The following DNAH9 variants were observed in gnomAD, a reference collection of about 807,000 sequenced individuals.
DNAH9 encodes the protein DNAH9 variant protein.
Under a neutral mutation model 471.6 loss-of-function variants are expected in DNAH9, and 345 were observed. The observed-to-expected ratio is 0.73, with a 90% CI of 0.67 to 0.80. The LOEUF is 0.80. Ranked by LOEUF, DNAH9 falls within the 30% of genes least tolerant of loss-of-function variation. The pLI, the probability that DNAH9 is intolerant of heterozygous loss-of-function variation, is 0.00. For missense variants in DNAH9, 5,407 were observed against 5,609.2 expected (o/e 0.96, Z 1.15); for synonymous variants, 2,093 against 2,123.6 (o/e 0.99, Z 0.40).
intron 6 of DNAH9, among the ~76,000 whole-genome samples, chr17:11,629,032 G>A (rs529611168): frequency 3.3e-5 from 5 of 151,142 alleles, no homozygotes; most frequent in African/African-American, 1.2e-4. Flanking sequence ...CCGCCCCCAT[G>A]GTTTCCAACT....
chr17:11,951,608 A>G (rs999003721), intron 67 of DNAH9, among the ~76,000 whole-genome samples: 1 of 151,830 alleles, frequency 6.6e-6, no homozygotes, highest in Non-Finnish European at 1.5e-5. Context: ...CAACATAGTG[A>G]GACCCTATCT....
rs376563355 is a variant in DNAH9 at position 11,962,027 on chromosome 17, C to T, written c.13004C>T (p.Thr4335Met). 1.5e-5 allele frequency: 24 copies of T among 1,614,052 alleles called. No individual in the cohort carries two copies. The highest frequency in any genetic ancestry group is 2.7e-5 in the African/African-American group (2 of 74,918). Residue 4335 changes from threonine (T) to methionine (M), a missense_variant, in exon 68 of 69, where the codon ACG becomes ATG. Thr to Met is a moderately conservative substitution (Grantham distance 81). This residue lies in a region of DNAH9 where 4,636 missense variants were observed against 4,900.3 expected (regional missense o/e 0.95). Coordinates refer to ENST00000262442, the MANE Select transcript of DNAH9 (RefSeq NM_001372.4). The surrounding 1 kb of genome is among the most constrained non-coding windows in gnomAD (Gnocchi z 4.1). Reference protein sequence around the residue: ...LNRIKELEAWTGDFTMPSTVW... With the variant: ...LNRIKELEAWMGDFTMPSTVW... ...AGAATCAAGGAGCTAGAGGCTTGGA[C>T]GGGTGACTTTACAATGCCCTCCACT...
intron 57 of DNAH9, among the ~76,000 whole-genome samples, chr17:11,887,326 C>A (rs917630719): frequency 2.6e-5 from 4 of 152,188 alleles, no homozygotes; most frequent in Non-Finnish European, 5.9e-5. Context: ...ATATAATAGA[C>A]AATCAAATGT....
intron 17 of DNAH9, among the ~76,000 whole-genome samples, chr17:11,674,954 G>A (rs2074027639): frequency 1.3e-5 from 2 of 152,138 alleles, no homozygotes; most frequent in African/African-American, 4.8e-5. Flanking sequence ...TATCTTGACA[G>A]TTCTTGGTCC....
At chr17:11,805,687 T>A (rs1261899359) in intron 43 of DNAH9, among the ~76,000 whole-genome samples, 5 of 151,666 alleles carry the variant, frequency 3.3e-5, no homozygotes, top group African/African-American at 9.7e-5. Context: ...CCCTAGCAGG[T>A]GGGATTACAA....
At chr17:11,921,992 C>CT (rs1358859406) in intron 61 of DNAH9, among the ~76,000 whole-genome samples, 1 of 152,212 alleles carries the variant, frequency 6.6e-6, no homozygotes, top group Non-Finnish European at 1.5e-5. Context: ...AGTCCCAACA[C>CT]TTTTTATCCT....
chr17:11,963,549 G>A (rs186705005), intron 68 of DNAH9, among the ~76,000 whole-genome samples: 156 of 152,050 alleles, frequency 1.0e-3, no homozygotes, highest in African/African-American at 3.2e-3. Flanking sequence ...CTAACTATCC[G>A]GTACTATGCT....
chr17:11,726,733 G>A (rs2075159162), intron 27 of DNAH9, among the ~76,000 whole-genome samples: 2 of 152,130 alleles, frequency 1.3e-5, no homozygotes, highest in African/African-American at 4.8e-5. Context: ...CATGATCGGT[G>A]CACAGAGCTG....
intron 32 of DNAH9, among the ~76,000 whole-genome samples, chr17:11,750,679 G>C (rs1272377378): frequency 6.6e-6 from 1 of 152,050 alleles, no homozygotes. Context: ...CTTAATTCCT[G>C]TATCAAAAAG....
intron 27 of DNAH9, among the ~76,000 whole-genome samples, chr17:11,727,180 TC>T (rs1177224426): frequency 6.6e-6 from 1 of 151,990 alleles, no homozygotes; most frequent in East Asian, 1.9e-4. Flanking sequence ...CAGGAACCTA[TC>T]TTTTTGGTTG....
intron 61 of DNAH9, among the ~76,000 whole-genome samples, chr17:11,907,766 T>C (rs1165171313): frequency 6.6e-6 from 1 of 152,092 alleles, no homozygotes; most frequent in African/African-American, 2.4e-5. Flanking sequence ...AAATCAGTAA[T>C]AGAGAAGAAT....
At chr17:11,779,227 G>A (rs1968580882) in intron 38 of DNAH9, among the ~76,000 whole-genome samples, 1 of 152,064 alleles carries the variant, frequency 6.6e-6, no homozygotes, top group African/African-American at 2.4e-5. Flanking sequence ...TTCCAGGCTT[G>A]TTGAGAACAG....
chr17:11,745,119 C>G, intron 31 of DNAH9, 35 bp downstream of exon 31: 2 of 1,563,970 alleles, frequency 1.3e-6, no homozygotes, highest in South Asian at 1.2e-5. Context: ...ATTTCTCTAT[C>G]TCTTACTTAT....
intron 61 of DNAH9, among the ~76,000 whole-genome samples, chr17:11,918,205 T>TTTTTGTTTTGTTTTGTTTTGTTTTG (rs200370741): frequency 1.4e-5 from 2 of 147,776 alleles, no homozygotes. Context: ...GTTGGGTGTT[T>TTTTTGTTTTGTTTTGTTTTGTTTTG]TTTTGTTTTG....
intron 19 of DNAH9, among the ~76,000 whole-genome samples, chr17:11,687,615 T>G (rs1301007365): frequency 6.6e-6 from 1 of 152,160 alleles, no homozygotes; most frequent in East Asian, 1.9e-4. Context: ...GTTAGTCATT[T>G]CCTCACAACC....
intron 21 of DNAH9, 100 bp from the exon 22 acceptor site, chr17:11,694,221 A>T (rs192262420): frequency 1.5e-4 from 211 of 1,381,360 alleles, no homozygotes; most frequent in Non-Finnish European, 2.0e-4. Flanking sequence ...GTGCTAATGC[A>T]TATGTTCCGT....
intron 17 of DNAH9, among the ~76,000 whole-genome samples, chr17:11,674,584 A>G (rs78211011): frequency 0.14 from 21,241 of 151,806 alleles, 1,640 homozygotes; most frequent in Middle Eastern, 0.19. Flanking sequence ...TACATTTTCT[A>G]TATCTAGTCC....
At chr17:11,833,676 G>T (rs1364751134) in intron 48 of DNAH9, among the ~76,000 whole-genome samples, 4 of 152,194 alleles carry the variant, frequency 2.6e-5, no homozygotes. Context: ...TATTACTAGA[G>T]ATAGAAGTCC....
At chr17:11,850,409 A>G (rs142158103) in intron 49 of DNAH9, among the ~76,000 whole-genome samples, 2,878 of 152,156 alleles carry the variant, frequency 0.019, 90 homozygotes, top group African/African-American at 0.065. Flanking sequence ...AGCACTTTGG[A>G]AGGCCGAGGC....
Sources: gnomAD v4.1 joint callset for allele counts (sites outside exome capture counted in the v4.1 genomes callset) on GRCh38, gnomAD v4.1.1 for gene constraint, gnomAD v4.1.1 regional missense constraint, Gnocchi (gnomAD v3.1) non-coding constraint, MANE v1.5 for transcripts, NCBI Gene and HGNC (gene_info 2026-07-23, HGNC 2026-07-21) for gene names.